The following CAB39 variants were observed in gnomAD, a reference collection of about 807,000 sequenced individuals.
The protein encoded by CAB39 is calcium-binding protein 39.
CAB39 carries 8 observed loss-of-function variants against 40.0 expected under a neutral mutation model. That is an observed-to-expected ratio of 0.20 (90% CI 0.12 to 0.36). The LOEUF is 0.36. CAB39 is among the 10% of genes least tolerant of loss of function. The pLI is 1.00. For missense variants in CAB39, 270 were observed against 401.1 expected, an observed-to-expected ratio of 0.67 and a Z score of 2.79; for synonymous variants, 156 against 141.6, an observed-to-expected ratio of 1.10 and a Z score of -0.72.
At chr2:230,797,067 C>G (rs554429231) in intron 4 of CAB39, among the ~76,000 whole-genome samples, 13 of 152,286 alleles carry the variant, frequency 8.5e-5, no homozygotes, top group African/African-American at 2.6e-4. Context: ...GCTGTTGATA[C>G]ACTTGTGTGT....
At chr2:230,749,006 C>T (rs1389231131) in intron 1 of CAB39, among the ~76,000 whole-genome samples, 7 of 143,800 alleles carry the variant, frequency 4.9e-5, no homozygotes, top group South Asian at 2.1e-4. Context: ...CCCCCGCCCC[C>T]GTGTTTTTTT....
At position 230,725,305 on chromosome 2, in the gene CAB39, C is replaced by G. The variant is rs1226175648; in HGVS notation, c.-44+12075C>G. On this transcript the variant is annotated intron_variant, in intron 1 of 8. Transcript: ENST00000258418. The stretch of plus-strand genomic sequence containing the variant: ...CCTTGTCAAAGCCCCTTTCCTCCAG[C>G]TTCTTGCCCAGGACTTCACCAATCC... 7.6e-6 allele frequency: 12 copies of G among 1,573,792 alleles called. No individual in the cohort carries two copies. In the East Asian group the frequency reaches 2.7e-4, roughly 35 times the overall value.
intron 2 of CAB39, among the ~76,000 whole-genome samples, chr2:230,776,372 C>CAAT (rs1695585593): frequency 6.6e-6 from 1 of 152,178 alleles, no homozygotes; most frequent in Non-Finnish European, 1.5e-5. Flanking sequence ...TAACTATATA[C>CAAT]AATATCAAAA....
intron 2 of CAB39, among the ~76,000 whole-genome samples, chr2:230,767,437 T>C (rs1012221205): frequency 2.0e-5 from 3 of 152,190 alleles, no homozygotes; most frequent in Admixed American, 2.0e-4. Context: ...GCTTCACTGG[T>C]CTCCCTTGGT....
chr2:230,762,098 G>A (rs1476677337), intron 2 of CAB39, among the ~76,000 whole-genome samples: 1 of 152,034 alleles, frequency 6.6e-6, no homozygotes, highest in East Asian at 1.9e-4. Flanking sequence ...AGTAGAGACG[G>A]GGTTTCACTA....
chr2:230,726,502 C>T (rs538712308), intron 1 of CAB39, among the ~76,000 whole-genome samples: 10 of 152,012 alleles, frequency 6.6e-5, no homozygotes, highest in African/African-American at 2.4e-4. Context: ...GATCCTTTTA[C>T]TTGTGTTCAT....
intron 5 of CAB39, among the ~76,000 whole-genome samples, chr2:230,799,861 A>G (rs1331832903): frequency 2.0e-5 from 3 of 151,990 alleles, no homozygotes; most frequent in Non-Finnish European, 4.4e-5. Context: ...GTAGTGGCGC[A>G]TGCCTGTAAT....
chr2:230,713,875 A>G (rs1694300123), intron 1 of CAB39: 1 of 152,312 alleles, frequency 6.6e-6, no homozygotes, highest in South Asian at 2.1e-4. Context: ...GAACACAAAT[A>G]ACTGCGATAC....
In CAB39 at chr2:230,791,030, C is replaced by T; in HGVS notation, c.273C>T (p.Asp91=). 1 of 1,578,364 alleles carries T rather than the reference C, an allele frequency of 6.3e-7. No homozygotes were observed. Among genetic ancestry groups the T allele is most frequent in the South Asian group, 1.2e-5 (1 of 85,040 alleles). ...TGGTAGCTGATTTACAGCTCATTGA[C>T]TTTGAGGTAAGAAATCAATTTCTTA... ...STLVADLQLI[D]FEGKKDVAQI... Residue 91 remains aspartate (D), a synonymous_variant, in exon 3 of 9, where the codon GAC becomes GAT. Transcript: ENST00000258418.
intron 2 of CAB39, among the ~76,000 whole-genome samples, chr2:230,784,711 GT>G (rs1695756960): frequency 6.6e-6 from 1 of 152,268 alleles, no homozygotes; most frequent in Non-Finnish European, 1.5e-5. Flanking sequence ...TGGGAATGAA[GT>G]TTTTGGTGTC....
chr2:230,807,951 C>A (rs1469387856), intron 5 of CAB39, among the ~76,000 whole-genome samples: 2 of 152,134 alleles, frequency 1.3e-5, no homozygotes, highest in African/African-American at 4.8e-5. Flanking sequence ...AAGTTAGAAG[C>A]AACACTGTCT....
At chr2:230,780,830 C>A (rs1695674004) in intron 2 of CAB39, among the ~76,000 whole-genome samples, 1 of 152,086 alleles carries the variant, frequency 6.6e-6, no homozygotes, top group Non-Finnish European at 1.5e-5. Flanking sequence ...TGCCTGTAAT[C>A]CCAACACTTT....
chr2:230,750,357 CTT>C (rs958438448), intron 1 of CAB39, among the ~76,000 whole-genome samples: 1 of 152,166 alleles, frequency 6.6e-6, no homozygotes, highest in African/African-American at 2.4e-5. Context: ...TGTTTGGTCT[CTT>C]TACATATGTC....
intron 1 of CAB39, among the ~76,000 whole-genome samples, chr2:230,716,576 T>G (rs541941328): frequency 5.5e-4 from 84 of 152,364 alleles, no homozygotes; most frequent in African/African-American, 1.9e-3. Flanking sequence ...AAAAAATGTT[T>G]TAATTAAAAG....
intron 4 of CAB39, among the ~76,000 whole-genome samples, chr2:230,798,144 C>T (rs1696023391): frequency 6.6e-6 from 1 of 152,130 alleles, no homozygotes; most frequent in Non-Finnish European, 1.5e-5. Flanking sequence ...GGTCTGCCTG[C>T]TCTGTGGCCC....
intron 8 of CAB39, among the ~76,000 whole-genome samples, 178 bp from the exon 9 acceptor site, chr2:230,818,338 A>G (rs1696440229): frequency 6.6e-6 from 1 of 152,200 alleles, no homozygotes; most frequent in Non-Finnish European, 1.5e-5. Context: ...TAAAACATGT[A>G]ATTATTATTT....
intron 4 of CAB39, among the ~76,000 whole-genome samples, chr2:230,793,693 A>T (rs1197148541): frequency 6.6e-6 from 1 of 152,216 alleles, no homozygotes; most frequent in East Asian, 1.9e-4. Context: ...TCTCCTTTGG[A>T]CATAATACGC....
chr2:230,757,127 AG>A lies in CAB39; in HGVS notation c.-43-2831del, dbSNP rs1224276187. Among the ~76,000 whole-genome samples, 3 of 152,112 alleles carry A rather than the reference AG, an allele frequency of 2.0e-5. No homozygotes were observed. In the East Asian group the frequency reaches 5.8e-4, roughly 29 times the overall value. ...TTCTTTTCCTCCTTATTTAAATTTA[AG>A]TCAGGGCCTTACTCTGTCACTCAGG... On this transcript the variant is annotated intron_variant, in intron 1 of 8. Transcript: ENST00000258418.
chr2:230,763,779 G>A (rs1009965804), intron 2 of CAB39, among the ~76,000 whole-genome samples: 33 of 152,050 alleles, frequency 2.2e-4, no homozygotes, highest in African/African-American at 7.7e-4. Context: ...TACTTTGAAC[G>A]AAACTTTTAC....
Sources: allele counts gnomAD v4.1 joint callset (sites outside exome capture counted in the v4.1 genomes callset), GRCh38; gene constraint gnomAD v4.1.1; transcripts MANE v1.5; gene names NCBI Gene and HGNC (gene_info 2026-07-23, HGNC 2026-07-21).